COL6A3: variants seen among roughly 807,000 people sequenced by gnomAD.
COL6A3 encodes the protein collagen type VI alpha 3 chain.
Under a neutral mutation model 274.1 loss-of-function variants are expected in COL6A3, and 137 were observed. The ratio of observed to expected loss-of-function variants is 0.50; its 90% CI spans 0.44 to 0.58. The LOEUF (loss-of-function observed/expected upper bound fraction) is 0.58, where lower values mean the gene tolerates loss of function less well. Among genes scored for constraint, COL6A3 ranks in the 20% least tolerant of loss-of-function variants. The probability of loss-of-function intolerance (pLI) is 0.00; values close to 1 mark genes in which losing one functional copy is unlikely to be tolerated. For synonymous variants in COL6A3, 1,650 were observed against 1,650.6 expected (o/e 1.00, Z 0.01); for missense variants, 3,950 against 4,124.9 (o/e 0.96, Z 1.16).
At chr2:237,372,996 C>A (rs887030820) in intron 8 of COL6A3, among the ~76,000 whole-genome samples, 2 of 152,170 alleles carry the variant, frequency 1.3e-5, no homozygotes, top group Admixed American at 1.3e-4. Flanking sequence ...CAAGGAACCA[C>A]GGGATGACGT....
intron 39 of COL6A3, among the ~76,000 whole-genome samples, chr2:237,338,104 G>C (rs1191218176): frequency 6.6e-6 from 1 of 152,184 alleles, no homozygotes; most frequent in African/African-American, 2.4e-5. Flanking sequence ...AATGTGGCAA[G>C]TCCTTCCATC....
At chr2:237,337,084 C>T (rs1169403585) in intron 39 of COL6A3, among the ~76,000 whole-genome samples, 2 of 151,888 alleles carry the variant, frequency 1.3e-5, no homozygotes, top group Non-Finnish European at 2.9e-5. Flanking sequence ...TGATCTATTA[C>T]CAATATCTAG....
intron 5 of COL6A3, among the ~76,000 whole-genome samples, chr2:237,380,312 G>T (rs561240165): frequency 6.6e-6 from 1 of 152,316 alleles, no homozygotes; most frequent in South Asian, 2.1e-4. Context: ...CAACTCATTA[G>T]CTCATAGATC....
rs778940391 is a variant in COL6A3 at position 237,367,167 on chromosome 2, C to T, written c.5020G>A (p.Asp1674Asn). ...TGGACAAGCCCCACTTGGATGGAGTCGCCATCTTCATAAACTGTGTCCACT... is the reference window on the plus strand; with the variant it reads ...TGGACAAGCCCCACTTGGATGGAGTTGCCATCTTCATAAACTGTGTCCACT... ...EIVDTVYEDG[D>N]SIQVGLVQYN... The change falls in exon 11 of 44, where the codon GAC (aspartate) becomes AAC (asparagine). Residue 1674 changes from aspartate to asparagine, a missense_variant. By Grantham distance (23) the Asp-to-Asn change is conservative. Coordinates refer to ENST00000295550, the MANE Select transcript of COL6A3 (RefSeq NM_004369.4). 9.2e-5 allele frequency: 149 copies of T among 1,614,170 alleles called. No individual in the cohort carries two copies. The highest frequency in any genetic ancestry group is 4.5e-4 in the East Asian group (20 of 44,886).
Position 237,407,937 on chromosome 2 carries a change from G to A in COL6A3, c.-31+6016C>T, listed in dbSNP as rs905550774. 3.3e-5 allele frequency among the ~76,000 whole-genome samples: 5 copies of A among 152,152 alleles called. No individual in the cohort carries two copies. Among genetic ancestry groups the A allele is most frequent in the Admixed American group, 6.5e-5 (1 of 15,284 alleles). ...CCATTCCAACTCCTTGCCACGTGACGCTGCTGGATCCAAATTGGAGCTTGG... is the reference window on the plus strand; with the variant it reads ...CCATTCCAACTCCTTGCCACGTGACACTGCTGGATCCAAATTGGAGCTTGG... On this transcript the variant is annotated intron_variant, in intron 1 of 43. Coordinates refer to ENST00000295550, the MANE Select transcript of COL6A3 (RefSeq NM_004369.4). This position sits in a 1 kb window ranked among gnomAD's most constrained non-coding sequence, Gnocchi z 4.3.
At position 237,394,703 on chromosome 2, in the gene COL6A3, A is replaced by T. The variant is rs1452646308; in HGVS notation, c.593T>A (p.Phe198Tyr). ...IASEPLNMHM[F>Y]NLENFTSLHD... ...AAGTGAGGTAAAATTCTCTAGGTTG[A>T]ACATATGCATATTGAGCGGTTCACT... The change falls in exon 3 of 44, where the codon TTC becomes TAC. Residue 198 changes from phenylalanine to tyrosine, a missense_variant. Coordinates refer to ENST00000295550, the MANE Select transcript of COL6A3 (RefSeq NM_004369.4). 2 of 1,614,250 alleles carry T rather than the reference A, an allele frequency of 1.2e-6. No individual in the cohort carries two copies. The highest frequency in any genetic ancestry group is 8.5e-7 in the Non-Finnish European group (1 of 1,180,036).
In COL6A3 at chr2:237,358,521, C is replaced by T. The variant is rs1349524156; in HGVS notation, c.6471G>A (p.Pro2157=). 8 of 1,613,368 alleles carry T rather than the reference C, an allele frequency of 5.0e-6. No individual in the cohort carries two copies. The highest frequency in any genetic ancestry group is 2.2e-5 in the East Asian group (1 of 44,896). Residue 2157 remains proline (P), a splice_region_variant and synonymous_variant, in exon 21 of 44, where the codon CCG becomes CCA. Coordinates refer to ENST00000295550, the MANE Select transcript of COL6A3 (RefSeq NM_004369.4). The part of the protein sequence containing the change: ...ERGDVGIRGD[P]GNPGQDSQER... ...AAATCGTCAATAAAGAAATCTTTAC[C>T]GGGTCCCCTCGAATCCCAACATCTC...
At chr2:237,387,472 T>C in intron 4 of COL6A3, 110 bp downstream of exon 4, 1 of 1,515,708 alleles carries the variant, frequency 6.6e-7, no homozygotes, top group Non-Finnish European at 9.1e-7. Context: ...GGACTGTGGG[T>C]ACTTACAGCT....
chr2:237,391,758 C>T (rs2078294309), intron 3 of COL6A3, among the ~76,000 whole-genome samples: 1 of 152,202 alleles, frequency 6.6e-6, no homozygotes, highest in South Asian at 2.1e-4. Context: ...CTCCTGACCT[C>T]AGATGATCCT....
At position 237,344,235 on chromosome 2, in the gene COL6A3, G is replaced by A; in HGVS notation, c.7668+115C>T. 3.3e-6 allele frequency: 5 copies of A among 1,509,354 alleles called. No homozygotes were observed. Among genetic ancestry groups the A allele is most frequent in the Non-Finnish European group, 4.6e-6 (5 of 1,092,050 alleles). 93.5% of individuals were successfully genotyped at this position (1,509,354 alleles called of 1,614,324 possible). Reference sequence around the variant, plus strand: ...AGTTCTCAGGCAGATGGCCTCATTGGGGACGTTTTAGGAGCTATGGGACAT... The same window carrying A: ...AGTTCTCAGGCAGATGGCCTCATTGAGGACGTTTTAGGAGCTATGGGACAT... On this transcript the variant is annotated intron_variant, in intron 36 of 43. Coordinates refer to ENST00000295550, the MANE Select transcript of COL6A3 (RefSeq NM_004369.4). The surrounding 1 kb of genome is among the most constrained non-coding windows in gnomAD (Gnocchi z 4.8).
In COL6A3 at chr2:237,346,621, G is replaced by T. The variant is rs761668149; in HGVS notation, c.7030-56C>A. 7.3e-6 allele frequency: 11 copies of T among 1,501,630 alleles called. 1 individual carries two copies. The highest frequency in any genetic ancestry group is 3.4e-5 in the South Asian group (3 of 88,552). The allele number at this position is 1,501,630 out of a possible 1,614,324, so 93.0% of individuals were successfully genotyped here. ...TGTGTCAGAAAGTGGAGAATTTAAG[G>T]CTCCTATAGTTGGAAGGTACGGTAA... On this transcript the variant is annotated intron_variant, in intron 31 of 43. Coordinates refer to ENST00000295550, the MANE Select transcript of COL6A3 (RefSeq NM_004369.4).
In COL6A3 at chr2:237,379,212, T is replaced by C. The variant is rs770561779; in HGVS notation, c.1921A>G (p.Ile641Val). Residue 641 changes from isoleucine (I) to valine (V), a missense_variant, in exon 6 of 44, where the codon ATC becomes GTC. Ile to Val is a conservative substitution (Grantham distance 29). Coordinates refer to ENST00000295550, the MANE Select transcript of COL6A3 (RefSeq NM_004369.4). ...TTGGCTGATCCATCCAAAAGAAAGA[T>C]GATATCCCTTTTGTTTGAGTGAACT... is the stretch of plus-strand genomic sequence containing the variant. ...PEVHSNKRDI[I>V]FLLDGSANVG... is the part of the protein sequence containing the mutation. 6.8e-6 allele frequency: 11 copies of C among 1,614,014 alleles called. No homozygotes were observed. Among genetic ancestry groups the C allele is most frequent in the Non-Finnish European group, 9.3e-6 (11 of 1,180,016 alleles).
At position 237,341,061 on chromosome 2, in the gene COL6A3, C is replaced by A; in HGVS notation, c.7855G>T (p.Asp2619Tyr). Residue 2619 changes from aspartate to tyrosine, a missense_variant, in exon 38 of 44, where the codon GAC becomes TAC. Asp to Tyr is a radical substitution (Grantham distance 160). Coordinates refer to ENST00000295550, the MANE Select transcript of COL6A3 (RefSeq NM_004369.4). ...GCGCTGTCTAAGATGAAAGCCATGT[C>A]GATGTCCACATCGCTCCCTGCCGCT... ...RRAAGSDVDI[D>Y]MAFILDSAET... 1 of 1,614,152 alleles carries A rather than the reference C, an allele frequency of 6.2e-7. No homozygotes were observed. The highest frequency in any genetic ancestry group is 2.2e-5 in the East Asian group (1 of 44,872).
Position 237,378,175 on chromosome 2 carries a change from C to T in COL6A3, c.2497+461G>A, listed in dbSNP as rs2325840. ...ACCATTTTACCATTGCATGAAGATG[C>T]ACCCTTTGTTTGTTTTATAACAAAT... On this transcript the variant is annotated intron_variant, in intron 6 of 43. Transcript: ENST00000295550. 6.8e-3 allele frequency among the ~76,000 whole-genome samples: 1,029 copies of T among 152,298 alleles called. 8 individuals are homozygous for T. The highest frequency in any genetic ancestry group is 0.024 in the African/African-American group (981 of 41,578).
chr2:237,379,866 G>C (rs552363037), intron 5 of COL6A3, among the ~76,000 whole-genome samples: 202 of 152,382 alleles, frequency 1.3e-3, no homozygotes, highest in African/African-American at 4.8e-3. Flanking sequence ...CCCAAAGTGA[G>C]ATGATGGGAC....
intron 16 of COL6A3, 137 bp downstream of exon 16, chr2:237,360,984 G>A: frequency 1.3e-6 from 1 of 775,334 alleles, no homozygotes. Flanking sequence ...AAGTTGTTAA[G>A]AAAAGTATAA....
At chr2:237,375,749 G>T (rs1156916815) in intron 7 of COL6A3, among the ~76,000 whole-genome samples, 1 of 152,138 alleles carries the variant, frequency 6.6e-6, no homozygotes, top group Non-Finnish European at 1.5e-5. Flanking sequence ...CACCATGTTG[G>T]TCAGGCTGGT....
In COL6A3 at chr2:237,372,315, C is replaced by T; in HGVS notation, c.3702G>A (p.Val1234=). The change falls in exon 9 of 44, where the codon GTG becomes GTA. Residue 1234 remains valine (V), a synonymous_variant. Transcript: ENST00000295550. ...PSPGVGGKRD[V]VFLIDGSQSA... Reference sequence around the variant, plus strand: ...TTTGGGACCCATCGATGAGAAAGACCACGTCCCTCTTGCCACCAACACCTG... The same window carrying T: ...TTTGGGACCCATCGATGAGAAAGACTACGTCCCTCTTGCCACCAACACCTG... The T allele has an allele frequency of 6.2e-7, 1 of 1,608,718 alleles. No homozygotes were observed. Among genetic ancestry groups the T allele is most frequent in the East Asian group, 2.2e-5 (1 of 44,868 alleles).
chr2:237,381,425 C>T lies in COL6A3; in HGVS notation c.1387G>A (p.Ala463Thr), dbSNP rs1299851868. The stretch of plus-strand genomic sequence containing the variant: ...ACTTTAGCAATGAAGTCTCGGATGG[C>T]ATTGAAGTTGGCCAGTCCCAGTGCA... ...SSALGLANFN[A>T]IRDFIAKVIQ... Residue 463 changes from alanine to threonine, a missense_variant, in exon 5 of 44, where the codon GCC (alanine) becomes ACC (threonine). Transcript: ENST00000295550. 1.9e-6 allele frequency: 3 copies of T among 1,612,712 alleles called. No homozygotes were observed. Among genetic ancestry groups the T allele is most frequent in the Non-Finnish European group, 2.5e-6 (3 of 1,180,030 alleles).
Sources: allele counts gnomAD v4.1 joint callset (sites outside exome capture counted in the v4.1 genomes callset), GRCh38; gene constraint gnomAD v4.1.1; non-coding constraint Gnocchi (gnomAD v3.1); transcripts MANE v1.5; gene names NCBI Gene and HGNC (gene_info 2026-07-23, HGNC 2026-07-21).